EMSY: variants seen among roughly 807,000 people sequenced by gnomAD.
EMSY encodes the protein BRCA2-interacting transcriptional repressor EMSY.
A neutral mutation model predicts 134.6 loss-of-function variants in EMSY; 26 were observed. The ratio of observed to expected loss-of-function variants is 0.19; its 90% confidence interval spans 0.14 to 0.27. The LOEUF (loss-of-function observed/expected upper bound fraction) is 0.27, where lower values mean the gene tolerates loss of function less well. Among genes scored for constraint, EMSY ranks in the 10% least tolerant of loss-of-function variants. EMSY has a pLI of 1.00. For synonymous variants in EMSY, 579 were observed against 577.8 expected, an observed-to-expected ratio of 1.00 and a Z score of -0.03; for missense variants, 1,305 against 1,611.4, an observed-to-expected ratio of 0.81 and a Z score of 3.26.
At chr11:76,465,699 TTC>T (rs1948323835) in intron 7 of EMSY, among the ~76,000 whole-genome samples, 1 of 152,212 alleles carries the variant, frequency 6.6e-6, no homozygotes. Context: ...TTCTTTCATG[TTC>T]TCTCTGTAAG....
intron 14 of EMSY, 126 bp from the exon 16 acceptor site, chr11:76,535,769 G>T (rs2136527095): frequency 2.8e-6 from 2 of 702,220 alleles, no homozygotes; most frequent in Non-Finnish European, 4.1e-6. Context: ...TCTTCTTGGG[G>T]AGATAAAGCA....
chr11:76,521,545 T>G (rs1304765193), intron 11 of EMSY, among the ~76,000 whole-genome samples: 2 of 151,992 alleles, frequency 1.3e-5, no homozygotes, highest in East Asian at 1.9e-4. Flanking sequence ...GGAGGATCCC[T>G]TGAGGCCAGG....
At chr11:76,451,255 A>G (rs936080063) in intron 2 of EMSY, among the ~76,000 whole-genome samples, 12 of 152,154 alleles carry the variant, frequency 7.9e-5, no homozygotes, top group African/African-American at 2.9e-4. Flanking sequence ...GATGCGGAGG[A>G]TCTTGCTTCT....
chr11:76,546,715 T>C (rs17134961), intron 20 of EMSY, among the ~76,000 whole-genome samples: 20,713 of 152,162 alleles, frequency 0.14, 1,789 homozygotes, highest in East Asian at 0.28. Flanking sequence ...TCAAGTTAAT[T>C]TGGGGGACCC....
intron 11 of EMSY, among the ~76,000 whole-genome samples, chr11:76,522,355 T>TTC (rs1485725393): frequency 5.0e-5 from 2 of 40,298 alleles, no homozygotes. Flanking sequence ...TACTTTGCTT[T>TTC]TTTTTTTTTT....
chr11:76,552,894 A>G (rs1286713241), downstream of EMSY: 1 of 152,204 alleles, frequency 6.6e-6, no homozygotes, highest in African/African-American at 2.4e-5. Flanking sequence ...AAATGAGATT[A>G]TATAATATGT....
chr11:76,551,701 TAAGTA>T (rs1385194060), downstream of EMSY: 1 of 152,188 alleles, frequency 6.6e-6, no homozygotes, highest in Admixed American at 6.5e-5. Flanking sequence ...TGTTTCTAGT[TAAGTA>T]ATTTTTTAAC....
exon 10 of EMSY, chr11:76,513,534 T>C (rs1188815611): frequency 6.2e-7 from 1 of 1,612,800 alleles, no homozygotes; most frequent in African/African-American, 1.3e-5. Context: ...CCACTCCTAC[T>C]GGTAAGTTCT....
intron 8 of EMSY, among the ~76,000 whole-genome samples, chr11:76,482,598 A>G (rs938908229): frequency 1.3e-5 from 2 of 152,236 alleles, no homozygotes; most frequent in Non-Finnish European, 2.9e-5. Flanking sequence ...GAACTTTGTG[A>G]AGCATACACA....
chr11:76,491,660 AGATCC>A (rs1056992752), intron 8 of EMSY, among the ~76,000 whole-genome samples: 1 of 152,214 alleles, frequency 6.6e-6, no homozygotes, highest in Non-Finnish European at 1.5e-5. Context: ...TGAAGCTTTG[AGATCC>A]TGCGCTAGGT....
intron 10 of EMSY, among the ~76,000 whole-genome samples, chr11:76,515,889 T>C (rs2136158907): frequency 6.6e-6 from 1 of 152,338 alleles, no homozygotes; most frequent in South Asian, 2.1e-4. Context: ...CTCTACTTTT[T>C]CTTGGGTTAG....
intron 4 of EMSY, 110 bp downstream of exon 4, chr11:76,453,498 C>A: frequency 1.1e-6 from 1 of 937,370 alleles, no homozygotes. Flanking sequence ...GTAACAATAT[C>A]TCTATACTCA....
intron 14 of EMSY, among the ~76,000 whole-genome samples, chr11:76,530,431 G>C (rs1950998452): frequency 6.6e-6 from 1 of 152,260 alleles, no homozygotes; most frequent in Admixed American, 6.5e-5. Context: ...AAAGTGCTGG[G>C]ATTATAGGCG....
At chr11:76,452,584 C>T (rs548105731) in intron 3 of EMSY, among the ~76,000 whole-genome samples, 1 of 152,086 alleles carries the variant, frequency 6.6e-6, no homozygotes, top group African/African-American at 2.4e-5. Context: ...AGAGATTTAG[C>T]TTAAATAGTA....
chr11:76,549,378 A>G (rs752813993), intron 20 of EMSY, among the ~76,000 whole-genome samples: 24 of 152,204 alleles, frequency 1.6e-4, no homozygotes, highest in Non-Finnish European at 2.8e-4. Flanking sequence ...AGGATGTCTA[A>G]TAAAGAGGAA....
chr11:76,511,427 G>C (rs1407464115), intron 9 of EMSY, among the ~76,000 whole-genome samples: 1 of 152,108 alleles, frequency 6.6e-6, no homozygotes, highest in East Asian at 1.9e-4. Flanking sequence ...TTGTGGTCGG[G>C]TCTGGTGGCT....
At chr11:76,454,086 G>C (rs540911230) in intron 4 of EMSY, among the ~76,000 whole-genome samples, 1 of 152,078 alleles carries the variant, frequency 6.6e-6, no homozygotes, top group Admixed American at 6.5e-5. Flanking sequence ...TGTACAAGAT[G>C]ATAAAACATT....
chr11:76,474,714 C>T (rs1462927108), intron 8 of EMSY, among the ~76,000 whole-genome samples: 1 of 152,096 alleles, frequency 6.6e-6, no homozygotes, highest in Non-Finnish European at 1.5e-5. Flanking sequence ...AAAAAAATTC[C>T]AACATTTCTA....
intron 7 of EMSY, among the ~76,000 whole-genome samples, chr11:76,472,280 A>G (rs375255632): frequency 6.6e-6 from 1 of 151,810 alleles, no homozygotes; most frequent in Non-Finnish European, 1.5e-5. Context: ...GAGTGTGCCA[A>G]TTTATACTCC....
Sources: allele counts gnomAD v4.1 joint callset (sites outside exome capture counted in the v4.1 genomes callset), GRCh38; gene constraint gnomAD v4.1.1; transcripts MANE v1.5; gene names NCBI Gene and HGNC (gene_info 2026-07-23, HGNC 2026-07-21).